The following AP3B1 variants were observed in gnomAD, a reference collection of about 807,000 sequenced individuals.
AP3B1 encodes the protein adaptor related protein complex 3 subunit beta 1, also known as AP-3 complex subunit beta-1.
A neutral mutation model predicts 132.5 loss-of-function variants in AP3B1; 61 were observed. The ratio of observed to expected loss-of-function variants is 0.46; its 90% CI spans 0.37 to 0.57. The LOEUF is 0.57. AP3B1 is among the 20% of genes least tolerant of loss of function. The probability of loss-of-function intolerance (pLI) is 0.00; values close to 1 mark genes in which losing one functional copy is unlikely to be tolerated. For missense variants in AP3B1, 1,120 were observed against 1,289.4 expected (o/e 0.87, Z 2.01); for synonymous variants, 388 against 438.3 (o/e 0.89, Z 1.43).
chr5:78,111,590 G>A (rs773459864), intron 19 of AP3B1, among the ~76,000 whole-genome samples: 1 of 152,164 alleles, frequency 6.6e-6, no homozygotes, highest in Non-Finnish European at 1.5e-5. Flanking sequence ...CCAAGATATA[G>A]GAGTAAGGCT....
intron 11 of AP3B1, among the ~76,000 whole-genome samples, chr5:78,168,781 G>A (rs1400358779): frequency 6.6e-6 from 1 of 152,116 alleles, no homozygotes; most frequent in East Asian, 1.9e-4. Flanking sequence ...TTCAATAACT[G>A]TCTCAATGAT....
Position 78,035,997 on chromosome 5 carries a change from C to A in AP3B1, c.2810-1552G>T, listed in dbSNP as rs1426029995. 2.0e-5 allele frequency among the ~76,000 whole-genome samples: 3 copies of A among 152,058 alleles called. No homozygotes were observed. The East Asian group carries it at 5.8e-4, about 29-fold the overall frequency. On this transcript the variant is annotated intron_variant, in intron 23 of 26. Transcript: ENST00000255194. The stretch of plus-strand genomic sequence containing the variant: ...TTTTGGGGTTTGGTCTTGTTTTTAT[C>A]TGACACATTAGTAGCAAATTCCGTC...
chr5:78,180,785 A>G (rs1035826350), intron 8 of AP3B1, among the ~76,000 whole-genome samples: 3 of 152,034 alleles, frequency 2.0e-5, no homozygotes, highest in African/African-American at 7.2e-5. Context: ...GATCTGGAAG[A>G]AAATACACTA....
chr5:78,124,306 AC>A (rs60654407), intron 17 of AP3B1, among the ~76,000 whole-genome samples: 9,278 of 152,262 alleles, frequency 0.061, 428 homozygotes, highest in East Asian at 0.14. Flanking sequence ...TATGTAACAA[AC>A]CTGCACATTG....
chr5:78,249,892 T>C (rs567911044), intron 2 of AP3B1, among the ~76,000 whole-genome samples: 1 of 152,314 alleles, frequency 6.6e-6, no homozygotes, highest in Middle Eastern at 3.4e-3. Flanking sequence ...AACTGAATAA[T>C]TTCTAATGAT....
chr5:78,251,921 C>A (rs947207406), intron 2 of AP3B1, among the ~76,000 whole-genome samples: 1 of 152,164 alleles, frequency 6.6e-6, no homozygotes, highest in Non-Finnish European at 1.5e-5. Context: ...AAAAGAGACC[C>A]CTCCCTTCCA....
intron 22 of AP3B1, among the ~76,000 whole-genome samples, chr5:78,087,819 GTCCATTATCACATATCGTA>G (rs1218012134): frequency 6.6e-6 from 1 of 152,120 alleles, no homozygotes; most frequent in Non-Finnish European, 1.5e-5. Flanking sequence ...TACACTCAGA[GTCCATTATCACATATCGTA>G]TCACTTTGGA....
intron 2 of AP3B1, among the ~76,000 whole-genome samples, chr5:78,250,674 A>G (rs542581065): frequency 9.7e-4 from 147 of 152,320 alleles, no homozygotes; most frequent in African/African-American, 3.1e-3. Flanking sequence ...CTGGAGAAGT[A>G]TGAATAAATT....
At chr5:78,097,607 G>C (rs1356103134) in intron 21 of AP3B1, among the ~76,000 whole-genome samples, 14 of 128,332 alleles carry the variant, frequency 1.1e-4, no homozygotes, top group African/African-American at 4.9e-4. Context: ...GAGGGAGGTG[G>C]GGGGGTCAGC....
intron 6 of AP3B1, among the ~76,000 whole-genome samples, chr5:78,224,808 A>C (rs531134101): frequency 6.6e-6 from 1 of 152,214 alleles, no homozygotes; most frequent in South Asian, 2.1e-4. Flanking sequence ...AATTATAAAC[A>C]TACATGCACC....
intron 20 of AP3B1, among the ~76,000 whole-genome samples, chr5:78,107,870 T>A (rs1238600041): frequency 6.6e-6 from 1 of 152,258 alleles, no homozygotes; most frequent in Non-Finnish European, 1.5e-5. Context: ...ATGGAATTTT[T>A]AAAAATGTTA....
At chr5:78,202,646 C>T (rs941164551) in intron 7 of AP3B1, among the ~76,000 whole-genome samples, 19 of 150,036 alleles carry the variant, frequency 1.3e-4, no homozygotes, top group African/African-American at 4.7e-4. Context: ...GAATACAACA[C>T]TATAATGAAA....
chr5:78,202,175 G>C (rs1029799321), intron 7 of AP3B1, among the ~76,000 whole-genome samples: 1 of 152,136 alleles, frequency 6.6e-6, no homozygotes, highest in Non-Finnish European at 1.5e-5. Context: ...CATGTGAGAC[G>C]TGCCTTTCAC....
At position 78,265,653 on chromosome 5, in the gene AP3B1, T is replaced by C. The variant is rs180860173; in HGVS notation, c.204+1867A>G. Among the ~76,000 whole-genome samples the C allele has an allele frequency of 2.7e-3, 406 of 152,294 alleles. 1 individual carries two copies. Among genetic ancestry groups the C allele is most frequent in the Admixed American group, 4.8e-3 (73 of 15,300 alleles). On this transcript the variant is annotated intron_variant, in intron 2 of 26. Coordinates refer to ENST00000255194, the MANE Select transcript of AP3B1 (RefSeq NM_003664.5). The stretch of plus-strand genomic sequence containing the variant: ...TCTCAACTATCTCCTAGAGTTCCTT[T>C]AATGAATGTGAGGTCTTCTGACAGC...
Position 78,273,305 on chromosome 5 carries a change from C to A in AP3B1, c.129-5710G>T, listed in dbSNP as rs538562889. On this transcript the variant is annotated intron_variant, in intron 1 of 26. Coordinates refer to ENST00000255194, the MANE Select transcript of AP3B1 (RefSeq NM_003664.5). ...CTGTAATCCCAGCTGCTCAGAGACA[C>A]GGTGGGAGAATCTTGAGCACAAGAG... Among the ~76,000 whole-genome samples the A allele has an allele frequency of 2.0e-4, 31 of 152,150 alleles. No homozygotes were observed. The South Asian group carries it at 6.4e-3, about 32-fold the overall frequency.
At chr5:78,068,664 A>G (rs1453877072) in intron 22 of AP3B1, among the ~76,000 whole-genome samples, 1 of 152,176 alleles carries the variant, frequency 6.6e-6, no homozygotes, top group Admixed American at 6.5e-5. Context: ...GCTGAATTCT[A>G]CCAGAAATAT....
At chr5:78,086,367 A>G (rs992389733) in intron 22 of AP3B1, among the ~76,000 whole-genome samples, 1 of 152,234 alleles carries the variant, frequency 6.6e-6, no homozygotes, top group Non-Finnish European at 1.5e-5. Flanking sequence ...AGGTACTGTC[A>G]TAAACATTTC....
chr5:78,034,383 G>A lies in AP3B1; in HGVS notation c.2872C>T (p.Gln958Ter). The A allele has an allele frequency of 6.2e-7, 1 of 1,612,076 alleles. No individual in the cohort carries two copies. The highest frequency in any genetic ancestry group is 8.5e-7 in the Non-Finnish European group (1 of 1,178,388). ...TACCACAACTGGAAACTGGCAGTCT[G>A]AGTAGAATCACAAAAGTCAATACCC... ...SMGIDFCDSTQTASFQLCTKD... is the reference protein window; with the variant it reads ...SMGIDFCDST Residue 958 changes from glutamine to a stop codon, truncating the protein, a stop_gained, in exon 24 of 27, where the codon CAG becomes TAG. Transcript: ENST00000255194. LOFTEE classifies it high-confidence loss of function.
At chr5:78,186,726 G>T (rs1031346215) in intron 7 of AP3B1, among the ~76,000 whole-genome samples, 8 of 152,080 alleles carry the variant, frequency 5.3e-5, no homozygotes, top group African/African-American at 1.9e-4. Flanking sequence ...GCAATTTGTT[G>T]TATTTATGCA....
Sources: gnomAD v4.1 joint callset for allele counts (sites outside exome capture counted in the v4.1 genomes callset) on GRCh38, gnomAD v4.1.1 for gene constraint, MANE v1.5 for transcripts, NCBI Gene and HGNC (gene_info 2026-07-23, HGNC 2026-07-21) for gene names.